GUSB: variants seen among roughly 807,000 people sequenced by gnomAD.
GUSB encodes glucuronidase beta, also known as beta-glucuronidase.
In GUSB, 51 loss-of-function variants were observed where a neutral mutation model predicts 74.6. The ratio of observed to expected loss-of-function variants is 0.68; its 90% CI spans 0.55 to 0.86. The LOEUF is 0.86. GUSB is among the 40% of genes least tolerant of loss of function. The pLI is 0.00. For missense variants in GUSB, 736 were observed against 853.7 expected (o/e 0.86, Z 1.72); for synonymous variants, 360 against 348.3 (o/e 1.03, Z -0.37).
At chr7:65,969,454 T>C (rs1447889573) in intron 9 of GUSB, among the ~76,000 whole-genome samples, 2 of 152,024 alleles carry the variant, frequency 1.3e-5, no homozygotes, top group African/African-American at 2.4e-5. Context: ...TCACAGCACT[T>C]TGGGAGGCCA....
intron 2 of GUSB, 25 bp from the exon 3 acceptor site, chr7:65,979,936 G>T (rs1448373936): frequency 6.4e-7 from 1 of 1,555,034 alleles, no homozygotes. Flanking sequence ...GATACGGGGA[G>T]GGGGCTGCAG....
intron 1 of GUSB, among the ~76,000 whole-genome samples, chr7:65,981,478 T>A (rs1792016287): frequency 6.6e-6 from 1 of 151,862 alleles, no homozygotes; most frequent in Non-Finnish European, 1.5e-5. Flanking sequence ...CTCAGGCGAT[T>A]CGCCCGCCTC....
Position 65,979,816 on chromosome 7 carries a change from G to A in GUSB, c.492C>T (p.Ser164=), listed in dbSNP as rs759593913. Residue 164 remains serine (S), a synonymous_variant, in exon 3 of 12, where the codon TCC becomes TCT. Transcript: ENST00000304895. ...SNLVQVGPLP[S]RLRITIAINN... is the part of the protein sequence containing the mutation. ...TGATGGCGATAGTGATTCGGAGCCG[G>A]GAGGGCAGGGGCCCCACCTGGACCA... 3 of 1,613,624 alleles carry A rather than the reference G, an allele frequency of 1.9e-6. No homozygotes were observed. The highest frequency in any genetic ancestry group is 2.2e-5 in the East Asian group (1 of 44,888).
chr7:65,976,797 G>C (rs1791608557), intron 4 of GUSB, among the ~76,000 whole-genome samples: 1 of 151,906 alleles, frequency 6.6e-6, no homozygotes, highest in African/African-American at 2.4e-5. Context: ...GCCGGTCGTG[G>C]TGGTGCGTGC....
intron 11 of GUSB, among the ~76,000 whole-genome samples, chr7:65,961,924 C>G (rs1409152326): frequency 6.6e-6 from 1 of 151,942 alleles, no homozygotes; most frequent in African/African-American, 2.4e-5. Context: ...ATCGCTTGAA[C>G]CCAGGACGCA....
Position 65,970,285 on chromosome 7 carries a change from C to G in GUSB, c.1473G>C (p.Lys491Asn). 6.2e-7 allele frequency: 1 copy of G among 1,609,012 alleles called. No homozygotes were observed. Among genetic ancestry groups the G allele is most frequent in the Non-Finnish European group, 8.5e-7 (1 of 1,175,750 alleles). Reference sequence around the variant, plus strand: ...GGGTGGGGACCCCCAGGCTCACCCCCTTGTCTGCTGCATAGTTAGAGTTGC... The same window carrying G: ...GGGTGGGGACCCCCAGGCTCACCCCGTTGTCTGCTGCATAGTTAGAGTTGC... Reference protein sequence around the residue: ...FVSNSNYAADKGAPYVDVICL... With the variant: ...FVSNSNYAADNGAPYVDVICL... The change falls in exon 9 of 12, where the codon AAG (lysine) becomes AAC (asparagine). Residue 491 changes from lysine to asparagine, a missense_variant. Transcript: ENST00000304895.
chr7:65,979,299 G>C (rs1791816598), intron 4 of GUSB, 100 bp downstream of exon 4: 1 of 1,143,440 alleles, frequency 8.7e-7, no homozygotes, highest in Non-Finnish European at 1.3e-6. Flanking sequence ...TGAGGGTGTA[G>C]AGATGCTGGG....
chr7:65,964,216 C>T, intron 11 of GUSB, 107 bp downstream of exon 11: 1 of 1,037,368 alleles, frequency 9.6e-7, no homozygotes, highest in Non-Finnish European at 1.5e-6. Context: ...AACCAGCTTC[C>T]CCAACTTTGT....
rs895358550 is a variant in GUSB, at chr7:65,980,291, C to T, written c.329G>A (p.Arg110Gln). The change falls in exon 2 of 12, where the codon CGA becomes CAA. Residue 110 changes from arginine to glutamine, a missense_variant. This residue lies in a region of GUSB where 368 missense variants were observed against 363.8 expected (regional missense o/e 1.01). Transcript: ENST00000304895. ...WYEREVILPE[R>Q]WTQDLRTRVV... ...TCTTGTGCGCAGGTCCTGGGTCCAT[C>T]GCTCCGGCAGGATCACCTCCCGTTC... 7 of 1,612,434 alleles carry T rather than the reference C, an allele frequency of 4.3e-6. No homozygotes were observed. The highest frequency in any genetic ancestry group is 1.1e-5 in the South Asian group (1 of 90,942).
chr7:65,981,408 T>C (rs558331546), intron 1 of GUSB, among the ~76,000 whole-genome samples: 1 of 152,072 alleles, frequency 6.6e-6, no homozygotes, highest in African/African-American at 2.4e-5. Flanking sequence ...ATTTTTATAT[T>C]TTTAGTAGAG....
At chr7:65,966,137 T>G (rs1790819856) in intron 10 of GUSB, among the ~76,000 whole-genome samples, 1 of 151,130 alleles carries the variant, frequency 6.6e-6, no homozygotes, top group African/African-American at 2.4e-5. Context: ...GCCACTGCAC[T>G]CCAGCCTAGG....
At chr7:65,971,087 G>A (rs536704931) in intron 8 of GUSB, among the ~76,000 whole-genome samples, 19 of 152,302 alleles carry the variant, frequency 1.2e-4, no homozygotes, top group African/African-American at 4.3e-4. Context: ...ACACAGAGCT[G>A]AGGTCACTAG....
At chr7:65,962,886 T>C (rs1329483031) in intron 11 of GUSB, among the ~76,000 whole-genome samples, 5 of 148,182 alleles carry the variant, frequency 3.4e-5, no homozygotes, top group African/African-American at 1.2e-4. Context: ...AAAAAAAGAG[T>C]CTCACTCTAT....
chr7:65,978,434 C>CCT (rs1791738908), intron 4 of GUSB, among the ~76,000 whole-genome samples: 1 of 148,412 alleles, frequency 6.7e-6, no homozygotes, highest in Non-Finnish European at 1.5e-5. Flanking sequence ...GACAACAGAG[C>CCT]AAGACTCCAT....
At chr7:65,967,311 A>G (rs1790899536) in intron 10 of GUSB, among the ~76,000 whole-genome samples, 1 of 152,042 alleles carries the variant, frequency 6.6e-6, no homozygotes, top group African/African-American at 2.4e-5. Context: ...AAAATTAGCC[A>G]GGCGTGTTGG....
intron 10 of GUSB, among the ~76,000 whole-genome samples, chr7:65,965,339 G>A (rs1184816482): frequency 6.6e-6 from 1 of 151,514 alleles, no homozygotes; most frequent in East Asian, 2.0e-4. Flanking sequence ...AGGAGGTTGA[G>A]CAGTGAGCTG....
chr7:65,980,551 A>T, intron 1 of GUSB, 142 bp from the exon 2 acceptor site: 1 of 778,124 alleles, frequency 1.3e-6, no homozygotes, highest in Non-Finnish European at 2.2e-6. Context: ...TAACTTGCTG[A>T]TGACAGGTCA....
intron 9 of GUSB, among the ~76,000 whole-genome samples, chr7:65,969,485 T>C (rs1791058726): frequency 6.6e-6 from 1 of 151,830 alleles, no homozygotes; most frequent in Non-Finnish European, 1.5e-5. Context: ...TCACTTGAGC[T>C]CAAGACTTTG....
rs757058191 is a variant in GUSB, at chr7:65,974,603, T to C, written c.1167A>G (p.Ala389=). The C allele has an allele frequency of 3.2e-5, 51 of 1,614,162 alleles. No individual in the cohort carries two copies. Among genetic ancestry groups the C allele is most frequent in the Non-Finnish European group, 4.2e-5 (49 of 1,180,022 alleles). The change falls in exon 7 of 12, where the codon GCA becomes GCG. Residue 389 remains alanine (A), a synonymous_variant. Transcript: ENST00000304895. The part of the protein sequence containing the change: ...NAFRTSHYPY[A]EEVMQMCDRY... ...GGTCACACATCTGCATCACTTCCTC[T>C]GCATAGGGGTAGTGGCTGGTACGGA...
Sources: gnomAD v4.1 joint callset for allele counts (sites outside exome capture counted in the v4.1 genomes callset) on GRCh38, gnomAD v4.1.1 for gene constraint, gnomAD v4.1.1 regional missense constraint, MANE v1.5 for transcripts, NCBI Gene and HGNC (gene_info 2026-07-23, HGNC 2026-07-21) for gene names.